GRM7: variants seen among roughly 807,000 people sequenced by gnomAD.
The protein encoded by GRM7 is glutamate metabotropic receptor 7.
In GRM7, 35 loss-of-function variants were observed where a neutral mutation model predicts 84.5. That is an observed-to-expected ratio of 0.41 (90% CI 0.32 to 0.55). The LOEUF is 0.55. GRM7 is among the 20% of genes least tolerant of loss of function. The probability of loss-of-function intolerance (pLI) is 0.19; values close to 1 mark genes in which losing one functional copy is unlikely to be tolerated. For missense variants in GRM7, 1,003 were observed against 1,194.6 expected, an observed-to-expected ratio of 0.84 and a Z score of 2.36; for synonymous variants, 487 against 455.1, an observed-to-expected ratio of 1.07 and a Z score of -0.89.
At chr3:6,942,315 T>A (rs548287467) in intron 1 of GRM7, among the ~76,000 whole-genome samples, 39 of 152,228 alleles carry the variant, frequency 2.6e-4, no homozygotes, top group African/African-American at 8.9e-4. Flanking sequence ...TCACATGAAA[T>A]AAACTGCATG....
At chr3:7,129,154 G>A (rs1693506250) in intron 1 of GRM7, among the ~76,000 whole-genome samples, 1 of 152,164 alleles carries the variant, frequency 6.6e-6, no homozygotes, top group African/African-American at 2.4e-5. Context: ...CATTGTAGGT[G>A]ACCCTAATGG....
intron 1 of GRM7, among the ~76,000 whole-genome samples, chr3:6,869,854 C>T (rs1398100232): frequency 6.6e-6 from 1 of 152,152 alleles, no homozygotes; most frequent in Non-Finnish European, 1.5e-5. Flanking sequence ...TTTCTACCTG[C>T]AGAGCTTTGG....
chr3:7,621,332 G>A (rs1322080015), intron 8 of GRM7, among the ~76,000 whole-genome samples: 1 of 152,074 alleles, frequency 6.6e-6, no homozygotes, highest in African/African-American at 2.4e-5. Context: ...GAATTATGAT[G>A]AAGCCAGTGG....
At chr3:7,246,770 T>C (rs1466593665) in intron 2 of GRM7, among the ~76,000 whole-genome samples, 1 of 152,082 alleles carries the variant, frequency 6.6e-6, no homozygotes, top group East Asian at 1.9e-4. Context: ...CAGTCAAACT[T>C]CCATCAGAAT....
chr3:7,634,657 G>C (rs1697999702), intron 8 of GRM7, among the ~76,000 whole-genome samples: 2 of 151,810 alleles, frequency 1.3e-5, no homozygotes, highest in African/African-American at 4.8e-5. Flanking sequence ...AGCCGGGCGT[G>C]GCGGTGTGCG....
At chr3:7,304,754 G>A (rs562779567) in intron 3 of GRM7, among the ~76,000 whole-genome samples, 17 of 151,586 alleles carry the variant, frequency 1.1e-4, no homozygotes, top group African/African-American at 3.6e-4. Flanking sequence ...TTATTTTTTC[G>A]TATCATGTTC....
intron 1 of GRM7, among the ~76,000 whole-genome samples, chr3:6,971,839 T>G (rs947068876): frequency 6.6e-6 from 1 of 150,762 alleles, no homozygotes; most frequent in Admixed American, 6.6e-5. Context: ...ACTTAACTAA[T>G]TTTTTTGCAG....
chr3:7,301,028 C>T (rs1307549416), intron 3 of GRM7, among the ~76,000 whole-genome samples: 1 of 152,050 alleles, frequency 6.6e-6, no homozygotes, highest in Non-Finnish European at 1.5e-5. Flanking sequence ...TCTGAACTTC[C>T]TGGTGATTCA....
intron 2 of GRM7, among the ~76,000 whole-genome samples, chr3:7,290,216 A>G (rs995654356): frequency 6.6e-6 from 1 of 152,224 alleles, no homozygotes; most frequent in Non-Finnish European, 1.5e-5. Flanking sequence ...GTATGACATC[A>G]GAAATCAATC....
chr3:7,090,395 G>T (rs539245955), intron 1 of GRM7, among the ~76,000 whole-genome samples: 1 of 152,206 alleles, frequency 6.6e-6, no homozygotes, highest in South Asian at 2.1e-4. Flanking sequence ...GTGACACTGA[G>T]AATGAGATAG....
At chr3:7,330,848 C>G (rs7621537) in intron 4 of GRM7, among the ~76,000 whole-genome samples, 105,141 of 152,072 alleles carry the variant, frequency 0.69, 36,890 homozygotes, top group East Asian at 0.81. Context: ...CCTACTTTCA[C>G]ACCTAGAGAC....
chr3:7,273,848 C>T (rs1313179792), intron 2 of GRM7, among the ~76,000 whole-genome samples: 1 of 151,948 alleles, frequency 6.6e-6, no homozygotes, highest in East Asian at 1.9e-4. Flanking sequence ...TACACTTAGA[C>T]CATTGATGTT....
chr3:7,306,616 G>A lies in GRM7; in HGVS notation c.997G>A (p.Ala333Thr). The A allele has an allele frequency of 6.2e-7, 1 of 1,611,966 alleles. No homozygotes were observed. The highest frequency in any genetic ancestry group is 8.5e-7 in the Non-Finnish European group (1 of 1,178,944). The change falls in exon 4 of 10, where the codon GCC becomes ACC. Residue 333 changes from alanine to threonine, a missense_variant. Coordinates refer to ENST00000357716, the MANE Select transcript of GRM7 (RefSeq NM_000844.4). ...CCAGCATGAAGATATCGCAGAAGGG[G>A]CCATCACCATTCAGCCCAAGCGAGC... is the stretch of plus-strand genomic sequence containing the variant. ...LHQHEDIAEGAITIQPKRATV... is the reference protein window; with the variant it reads ...LHQHEDIAEGTITIQPKRATV...
chr3:7,510,557 T>C (rs2124976607), intron 7 of GRM7, among the ~76,000 whole-genome samples: 1 of 152,248 alleles, frequency 6.6e-6, no homozygotes, highest in East Asian at 1.9e-4. Context: ...AGACACATTA[T>C]AGTCAGTCTT....
At chr3:7,554,670 G>A (rs530793910) in intron 7 of GRM7, among the ~76,000 whole-genome samples, 8 of 152,152 alleles carry the variant, frequency 5.3e-5, no homozygotes, top group Non-Finnish European at 1.2e-4. Flanking sequence ...GTGTGAGGAT[G>A]GTAGGTCCTG....
At chr3:7,661,756 T>G (rs1257641813) in intron 8 of GRM7, among the ~76,000 whole-genome samples, 14 of 119,660 alleles carry the variant, frequency 1.2e-4, no homozygotes, top group Non-Finnish European at 2.2e-4. Context: ...ATCGTGCCAC[T>G]GCACTCCAGC....
At chr3:6,894,035 T>A (rs1696074759) in intron 1 of GRM7, 1 of 152,146 alleles carries the variant, frequency 6.6e-6, no homozygotes, top group South Asian at 2.1e-4. Flanking sequence ...AGAGGGCAAA[T>A]GGAAAACTTT....
intron 4 of GRM7, among the ~76,000 whole-genome samples, chr3:7,363,113 G>T (rs895120970): frequency 1.3e-5 from 2 of 151,922 alleles, no homozygotes; most frequent in African/African-American, 2.4e-5. Flanking sequence ...TATAGAGTAA[G>T]ACTCTGTCTC....
chr3:7,490,939 A>C (rs1328982456), intron 7 of GRM7, among the ~76,000 whole-genome samples: 19 of 152,030 alleles, frequency 1.2e-4, no homozygotes, highest in Admixed American at 1.2e-3. Flanking sequence ...AAGAAAAACA[A>C]GAAAAAAATT....
Sources: allele counts gnomAD v4.1 joint callset (sites outside exome capture counted in the v4.1 genomes callset), GRCh38; gene constraint gnomAD v4.1.1; transcripts MANE v1.5; gene names NCBI Gene and HGNC (gene_info 2026-07-23, HGNC 2026-07-21).